Variants in MAGI2 observed in about 807,000 individuals in gnomAD.
The protein encoded by MAGI2 is membrane associated guanylate kinase, WW and PDZ domain containing 2.
Under a neutral mutation model 133.3 loss-of-function variants are expected in MAGI2, and 35 were observed. The observed-to-expected ratio is 0.26, with a 90% CI of 0.20 to 0.35. The LOEUF (loss-of-function observed/expected upper bound fraction) is 0.35. Among genes scored for constraint, MAGI2 ranks in the 10% least tolerant of loss-of-function variants. The pLI is 1.00. For synonymous variants in MAGI2, 729 were observed against 710.6 expected (o/e 1.03, Z -0.41); for missense variants, 1,636 against 1,863.4 (o/e 0.88, Z 2.25).
intron 1 of MAGI2, among the ~76,000 whole-genome samples, chr7:79,221,734 G>A (rs1265251109): frequency 6.6e-6 from 1 of 151,900 alleles, no homozygotes; most frequent in Non-Finnish European, 1.5e-5. Context: ...TTTATAAATA[G>A]GTATGTTATG....
At chr7:78,266,168 AG>A (rs1363798290) in intron 9 of MAGI2, among the ~76,000 whole-genome samples, 1 of 152,142 alleles carries the variant, frequency 6.6e-6, no homozygotes, top group African/African-American at 2.4e-5. Context: ...TACCTGACCT[AG>A]GCACGTACAC....
At chr7:78,350,293 T>C (rs1167847648) in intron 7 of MAGI2, 1 of 152,206 alleles carries the variant, frequency 6.6e-6, no homozygotes, top group Non-Finnish European at 1.5e-5. Flanking sequence ...TAAGTTCGTA[T>C]GTGGCAGTGC....
intron 10 of MAGI2, among the ~76,000 whole-genome samples, chr7:78,234,589 AT>A (rs1790322744): frequency 1.9e-4 from 2 of 10,384 alleles, no homozygotes; most frequent in Non-Finnish European, 4.4e-4. Context: ...TATATTTCAT[AT>A]AATATAATGA....
intron 2 of MAGI2, among the ~76,000 whole-genome samples, chr7:78,888,222 A>G (rs1283489403): frequency 2.6e-5 from 4 of 152,320 alleles, no homozygotes; most frequent in Admixed American, 1.3e-4. Context: ...AGGTAAACAA[A>G]GCGGCCAGGA....
chr7:78,557,989 A>T (rs1800004497), intron 3 of MAGI2, among the ~76,000 whole-genome samples: 1 of 150,560 alleles, frequency 6.6e-6, no homozygotes, highest in Non-Finnish European at 1.5e-5. Flanking sequence ...TTTTTTTTTA[A>T]AAAATAGTTG....
chr7:79,429,634 T>C (rs1431595933), intron 1 of MAGI2, among the ~76,000 whole-genome samples: 1 of 152,178 alleles, frequency 6.6e-6, no homozygotes, highest in Non-Finnish European at 1.5e-5. Flanking sequence ...ATAAAATGTA[T>C]AAAAAGTTGT....
At chr7:79,365,425 C>A (rs1257418238) in intron 1 of MAGI2, among the ~76,000 whole-genome samples, 1 of 152,056 alleles carries the variant, frequency 6.6e-6, no homozygotes, top group Non-Finnish European at 1.5e-5. Context: ...ACTGTAAATG[C>A]ATATTCATAG....
chr7:78,156,432 G>A (rs1439297815), intron 16 of MAGI2, among the ~76,000 whole-genome samples: 2 of 152,118 alleles, frequency 1.3e-5, no homozygotes, highest in African/African-American at 2.4e-5. Flanking sequence ...TGCACTACTC[G>A]ACAAGAGTGA....
At chr7:79,209,913 T>C (rs1829366406) in intron 1 of MAGI2, among the ~76,000 whole-genome samples, 1 of 152,082 alleles carries the variant, frequency 6.6e-6, no homozygotes, top group Non-Finnish European at 1.5e-5. Flanking sequence ...GTGTCTGGGT[T>C]TCTTAACTGA....
intron 14 of MAGI2, among the ~76,000 whole-genome samples, chr7:78,174,984 A>G (rs1826453337): frequency 6.6e-6 from 1 of 152,180 alleles, no homozygotes; most frequent in African/African-American, 2.4e-5. Flanking sequence ...GGGTGATGGA[A>G]GTGTCACATT....
At chr7:78,545,212 C>CTTTTTTTTTTTTTT (rs71085537) in intron 3 of MAGI2, among the ~76,000 whole-genome samples, 1 of 83,130 alleles carries the variant, frequency 1.2e-5, no homozygotes, top group Non-Finnish European at 2.2e-5. Context: ...TAACCTGATT[C>CTTTTTTTTTTTTTT]TTTTTTTTTT....
intron 9 of MAGI2, among the ~76,000 whole-genome samples, chr7:78,319,739 A>C (rs897515866): frequency 6.6e-6 from 1 of 152,240 alleles, no homozygotes; most frequent in East Asian, 1.9e-4. Flanking sequence ...AGAGCAAACA[A>C]ATTCAAAAGC....
At chr7:78,155,688 G>A (rs1051609611) in intron 16 of MAGI2, among the ~76,000 whole-genome samples, 1 of 152,232 alleles carries the variant, frequency 6.6e-6, no homozygotes, top group African/African-American at 2.4e-5. Flanking sequence ...CAGATAGAAA[G>A]CTTCTAAGCT....
At chr7:78,393,546 G>A (rs533182187) in intron 6 of MAGI2, among the ~76,000 whole-genome samples, 1 of 152,234 alleles carries the variant, frequency 6.6e-6, no homozygotes, top group Admixed American at 6.5e-5. Context: ...CTACTCAGTG[G>A]CCTTTCAATG....
intron 1 of MAGI2, among the ~76,000 whole-genome samples, chr7:79,445,607 C>A (rs1259889974): frequency 2.6e-5 from 4 of 152,138 alleles, no homozygotes; most frequent in Admixed American, 6.5e-5. Context: ...AAATCAAAAC[C>A]ACAATGAGAT....
At chr7:79,381,796 T>C (rs1843803016) in intron 1 of MAGI2, among the ~76,000 whole-genome samples, 1 of 151,784 alleles carries the variant, frequency 6.6e-6, no homozygotes, top group Non-Finnish European at 1.5e-5. Flanking sequence ...TACACAGATA[T>C]AGCCTTTCTT....
At chr7:78,528,518 T>C (rs927600566) in intron 3 of MAGI2, among the ~76,000 whole-genome samples, 2 of 152,218 alleles carry the variant, frequency 1.3e-5, no homozygotes, top group Non-Finnish European at 2.9e-5. Context: ...CATAGTCATA[T>C]AGCTATAGTT....
chr7:79,294,286 G>A (rs1836738988), intron 1 of MAGI2, among the ~76,000 whole-genome samples: 1 of 151,620 alleles, frequency 6.6e-6, no homozygotes. Flanking sequence ...TTCTTGTCAC[G>A]TGACCAGAAA....
intron 7 of MAGI2, among the ~76,000 whole-genome samples, chr7:78,367,013 T>A (rs1406435656): frequency 6.6e-6 from 1 of 151,992 alleles, no homozygotes; most frequent in African/African-American, 2.4e-5. Flanking sequence ...AACACATGAC[T>A]GACTACATTC....
Sources: allele counts gnomAD v4.1 joint callset (sites outside exome capture counted in the v4.1 genomes callset), GRCh38; gene constraint gnomAD v4.1.1; transcripts MANE v1.5; gene names NCBI Gene and HGNC (gene_info 2026-07-23, HGNC 2026-07-21).